The following ZNF407 variants were observed in gnomAD, a reference collection of about 807,000 sequenced individuals.
ZNF407 encodes the protein zinc finger protein 407.
Under a neutral mutation model 131.2 loss-of-function variants are expected in ZNF407, and 17 were observed. The ratio of observed to expected loss-of-function variants is 0.13; its 90% CI spans 0.09 to 0.19. The LOEUF is 0.19. Ranked by LOEUF, ZNF407 falls within the 10% of genes least tolerant of loss-of-function variation. The pLI is 1.00. For synonymous variants in ZNF407, 1,156 were observed against 1,062.0 expected, an observed-to-expected ratio of 1.09 and a Z score of -1.72; for missense variants, 2,681 against 2,830.6, an observed-to-expected ratio of 0.95 and a Z score of 1.20.
intron 3 of ZNF407, among the ~76,000 whole-genome samples, chr18:74,668,906 A>G (rs1986031080): frequency 6.6e-6 from 1 of 152,060 alleles, no homozygotes; most frequent in Non-Finnish European, 1.5e-5. Context: ...TTTAGGATAT[A>G]TCATTAAAAA....
At chr18:74,788,513 A>C (rs546845751) in intron 4 of ZNF407, among the ~76,000 whole-genome samples, 114 of 151,988 alleles carry the variant, frequency 7.5e-4, no homozygotes, top group Non-Finnish European at 1.5e-3. Flanking sequence ...AAGTACTCCC[A>C]AGGAAAGGAA....
At chr18:74,774,086 T>G (rs1969417648) in intron 3 of ZNF407, among the ~76,000 whole-genome samples, 2 of 152,190 alleles carry the variant, frequency 1.3e-5, no homozygotes, top group Non-Finnish European at 2.9e-5. Context: ...TGGCCAATTT[T>G]GGGAAAATTT....
chr18:74,640,067 A>G (rs749345814), intron 2 of ZNF407, among the ~76,000 whole-genome samples: 9 of 152,154 alleles, frequency 5.9e-5, no homozygotes, highest in Non-Finnish European at 8.8e-5. Flanking sequence ...AAACGTACTG[A>G]TTTTAAACTG....
intron 3 of ZNF407, among the ~76,000 whole-genome samples, chr18:74,722,727 G>A (rs928148205): frequency 3.3e-5 from 5 of 152,142 alleles, no homozygotes; most frequent in South Asian, 2.1e-4. Context: ...AAGATAAAGT[G>A]CTTTTCAATT....
intron 8 of ZNF407, among the ~76,000 whole-genome samples, chr18:74,968,087 C>A (rs1005447521): frequency 5.9e-5 from 9 of 151,942 alleles, no homozygotes; most frequent in Non-Finnish European, 1.2e-4. Context: ...CATCAGTGAC[C>A]CAATTTGGCC....
At chr18:74,720,347 A>ATT (rs199949124) in intron 3 of ZNF407, among the ~76,000 whole-genome samples, 19 of 140,220 alleles carry the variant, frequency 1.4e-4, no homozygotes, top group East Asian at 4.1e-4. Context: ...TTTAAATAGG[A>ATT]TTTTTTTTTT....
intron 3 of ZNF407, among the ~76,000 whole-genome samples, chr18:74,699,607 T>C (rs1481276510): frequency 6.6e-6 from 1 of 152,124 alleles, no homozygotes; most frequent in Non-Finnish European, 1.5e-5. Context: ...GGCGAGCTAC[T>C]CCAGTGAGTA....
In ZNF407 at chr18:74,858,143, T is replaced by TCCTTCCCTTCCTCTCTCCCTC. The variant is rs749948758; in HGVS notation, c.4878-19045_4878-19025dup. On this transcript the variant is annotated intron_variant, in intron 4 of 8. Coordinates refer to ENST00000299687, the MANE Select transcript of ZNF407 (RefSeq NM_017757.3). The stretch of plus-strand genomic sequence containing the variant: ...CTCTCTTCTTCCCTCCCTGCCTCCC[T>TCCTTCCCTTCCTCTCTCCCTC]CCTTCCCTTCCTCTCTCCCTCCCTT... Among the ~76,000 whole-genome samples, 181 of 134,720 alleles carry TCCTTCCCTTCCTCTCTCCCTC rather than the reference T, an allele frequency of 1.3e-3. No homozygotes were observed. The Middle Eastern group carries it at 0.015, about 11-fold the overall frequency. The allele number at this position is 134,720 out of a possible 152,430, so 88.4% of individuals were successfully genotyped here. A position where few individuals can be genotyped will look rare whatever the true frequency, so the allele number is the denominator to read the frequency against.
rs558887613 is a variant in ZNF407, at chr18:74,932,984, C to G, written c.5428+12292C>G. On this transcript the variant is annotated intron_variant, in intron 8 of 8. Coordinates refer to ENST00000299687, the MANE Select transcript of ZNF407 (RefSeq NM_017757.3). ...TGCAGCTGCTGTGGAAGCGGAATGG[C>G]AGCTCCTCCAAGAATGAAACGTAGA... Among the ~76,000 whole-genome samples the G allele has an allele frequency of 3.3e-5, 5 of 152,270 alleles. No homozygotes were observed. The South Asian group carries it at 1.0e-3, about 32-fold the overall frequency.
At chr18:74,864,797 T>C (rs1970987773) in intron 4 of ZNF407, among the ~76,000 whole-genome samples, 1 of 152,190 alleles carries the variant, frequency 6.6e-6, no homozygotes, top group South Asian at 2.1e-4. Context: ...AAGATGAGGA[T>C]GCTTGCGTAA....
At chr18:74,897,018 AC>A (rs1234625238) in intron 7 of ZNF407, among the ~76,000 whole-genome samples, 5 of 151,998 alleles carry the variant, frequency 3.3e-5, no homozygotes, top group Admixed American at 3.3e-4. Flanking sequence ...ATCTAGTGTT[AC>A]TTTCATATTC....
At chr18:74,730,464 T>C (rs767695180) in intron 3 of ZNF407, among the ~76,000 whole-genome samples, 1 of 152,202 alleles carries the variant, frequency 6.6e-6, no homozygotes, top group Non-Finnish European at 1.5e-5. Context: ...AATTGCTGCC[T>C]TGTGTCCTGT....
At chr18:74,689,139 A>G (rs1397418631) in intron 3 of ZNF407, among the ~76,000 whole-genome samples, 4 of 151,932 alleles carry the variant, frequency 2.6e-5, no homozygotes, top group East Asian at 1.9e-4. Context: ...ATATCTTTCT[A>G]TTTTATTTAG....
chr18:74,927,338 A>C (rs1971927532), intron 8 of ZNF407, among the ~76,000 whole-genome samples: 1 of 152,202 alleles, frequency 6.6e-6, no homozygotes, highest in African/African-American at 2.4e-5. Flanking sequence ...AGGTTAATGA[A>C]GTTTTTTCAG....
Position 75,064,237 on chromosome 18 carries a change from G to C in ZNF407, c.6516G>C (p.Leu2172=). 6.2e-7 allele frequency: 1 copy of C among 1,607,356 alleles called. No individual in the cohort carries two copies. Among genetic ancestry groups the C allele is most frequent in the Non-Finnish European group, 8.5e-7 (1 of 1,178,420 alleles). The change falls in exon 9 of 9, where the codon CTG becomes CTC. Residue 2172 remains leucine, a synonymous_variant. Transcript: ENST00000299687. ...CCGAGGGCACCACGCACTACATCCT[G>C]ACAGAGCTGCCCCCAGGGGTGCAGG... ...GFSEGTTHYI[L]TELPPGVQDE... is the part of the protein sequence containing the mutation.
intron 4 of ZNF407, among the ~76,000 whole-genome samples, chr18:74,871,499 C>T (rs1971086286): frequency 6.7e-6 from 1 of 149,184 alleles, no homozygotes; most frequent in Admixed American, 6.7e-5. Context: ...AAAGGATAAG[C>T]AATACCTGTC....
intron 2 of ZNF407, among the ~76,000 whole-genome samples, chr18:74,640,126 G>T (rs1052557723): frequency 3.9e-5 from 6 of 152,022 alleles, no homozygotes; most frequent in African/African-American, 1.4e-4. Flanking sequence ...AGAAAGTTTG[G>T]AAATGGTGTA....
intron 3 of ZNF407, among the ~76,000 whole-genome samples, chr18:74,741,364 A>G (rs1431625710): frequency 6.6e-6 from 1 of 151,322 alleles, no homozygotes; most frequent in Non-Finnish European, 1.5e-5. Context: ...AAATATATAC[A>G]TATACATATA....
intron 4 of ZNF407, among the ~76,000 whole-genome samples, chr18:74,842,599 GATGT>G (rs760888430): frequency 4.9e-3 from 76 of 15,572 alleles, no homozygotes; most frequent in Non-Finnish European, 0.011. Context: ...TTTCCCTAGT[GATGT>G]GTGTGTGTGT....
Sources: allele counts gnomAD v4.1 joint callset (sites outside exome capture counted in the v4.1 genomes callset), GRCh38; gene constraint gnomAD v4.1.1; transcripts MANE v1.5; gene names NCBI Gene and HGNC (gene_info 2026-07-23, HGNC 2026-07-21).